Variants in PCDH15 observed in about 807,000 individuals in gnomAD.
The protein encoded by PCDH15 is protocadherin related 15.
In PCDH15, 129 loss-of-function variants were observed where a neutral mutation model predicts 178.5. The observed-to-expected ratio is 0.72, with a 90% CI of 0.63 to 0.84. The LOEUF (loss-of-function observed/expected upper bound fraction) is 0.84. PCDH15 is among the 40% of genes least tolerant of loss of function. PCDH15 has a pLI of 0.00. For synonymous variants in PCDH15, 800 were observed against 732.0 expected, an observed-to-expected ratio of 1.09 and a Z score of -1.50; for missense variants, 2,230 against 2,099.9, an observed-to-expected ratio of 1.06 and a Z score of -1.21.
chr10:55,083,277 T>C (rs374552907), intron 2 of PCDH15, among the ~76,000 whole-genome samples: 21 of 152,076 alleles, frequency 1.4e-4, no homozygotes, highest in Admixed American at 3.9e-4. Context: ...TGATACCTCA[T>C]ATCAACAGAA....
intron 20 of PCDH15, among the ~76,000 whole-genome samples, chr10:54,006,768 A>T (rs2092400013): frequency 2.6e-5 from 4 of 152,146 alleles, no homozygotes; most frequent in Admixed American, 2.0e-4. Context: ...GAAAGGTGGA[A>T]ATCTTAGCTT....
At chr10:55,268,856 T>C (rs1842367951) in intron 1 of PCDH15, among the ~76,000 whole-genome samples, 1 of 152,040 alleles carries the variant, frequency 6.6e-6, no homozygotes, top group South Asian at 2.1e-4. Context: ...TTTCTTACTA[T>C]TATGGAAAGA....
intron 8 of PCDH15, among the ~76,000 whole-genome samples, chr10:54,302,229 G>T (rs1347455594): frequency 6.6e-6 from 1 of 152,058 alleles, no homozygotes; most frequent in Non-Finnish European, 1.5e-5. Flanking sequence ...TGTGTTTTAG[G>T]TGATGTTATT....
chr10:54,422,822 C>T (rs1955717700), intron 3 of PCDH15, among the ~76,000 whole-genome samples: 2 of 152,128 alleles, frequency 1.3e-5, no homozygotes, highest in African/African-American at 4.8e-5. Context: ...CAGCAGAGAA[C>T]TCCAGTTCTG....
intron 11 of PCDH15, among the ~76,000 whole-genome samples, chr10:54,189,925 A>ATGTGTGTGTGTGTG (rs57024579): frequency 2.1e-5 from 3 of 141,482 alleles, no homozygotes; most frequent in Non-Finnish European, 3.1e-5. Context: ...ATGCATGTGT[A>ATGTGTGTGTGTGTG]TGTGTGTGTG....
At chr10:55,245,220 A>T (rs2132216930) in intron 1 of PCDH15, among the ~76,000 whole-genome samples, 1 of 152,268 alleles carries the variant, frequency 6.6e-6, no homozygotes, top group African/African-American at 2.4e-5. Flanking sequence ...GTTTAAAGAT[A>T]AATTCTCTTC....
At chr10:54,683,655 T>C (rs761536575) in intron 1 of PCDH15, among the ~76,000 whole-genome samples, 3 of 152,090 alleles carry the variant, frequency 2.0e-5, no homozygotes, top group Non-Finnish European at 4.4e-5. Flanking sequence ...AGAGGTTAGG[T>C]AGCCCTCTCA....
At position 54,374,021 on chromosome 10, in the gene PCDH15, T is replaced by C. The variant is rs549292639; in HGVS notation, c.319-4746A>G. On this transcript the variant is annotated intron_variant, in intron 4 of 37. Coordinates refer to ENST00000644397, the MANE Select transcript of PCDH15 (RefSeq NM_001384140.1). ...AAGAAAATTATATAGACAGGGTGCA[T>C]CTTGAATCTAGCAAAACTCAAGAGA... is the stretch of plus-strand genomic sequence containing the variant. 1.1e-3 allele frequency among the ~76,000 whole-genome samples: 162 copies of C among 152,180 alleles called. 1 individual carries two copies. Among genetic ancestry groups the C allele is most frequent in the Admixed American group, 9.9e-3 (151 of 15,260 alleles).
At chr10:54,214,521 G>A (rs2051791339) in intron 9 of PCDH15, among the ~76,000 whole-genome samples, 1 of 152,162 alleles carries the variant, frequency 6.6e-6, no homozygotes, top group Non-Finnish European at 1.5e-5. Context: ...TTAATATCAA[G>A]CTAATAATGT....
At chr10:54,142,039 T>G (rs987105955) in intron 14 of PCDH15, among the ~76,000 whole-genome samples, 1 of 152,170 alleles carries the variant, frequency 6.6e-6, no homozygotes, top group Admixed American at 6.5e-5. Context: ...CAACATTAGT[T>G]GTCTTGCTTT....
At chr10:53,823,649 G>C (rs780010229) in intron 32 of PCDH15, 2 of 494,322 alleles carry the variant, frequency 4.0e-6, no homozygotes, top group Non-Finnish European at 7.8e-6. Context: ...TTCAGCTAGT[G>C]TGATACAGCA....
intron 15 of PCDH15, among the ~76,000 whole-genome samples, chr10:54,121,855 A>G (rs1362576702): frequency 6.6e-6 from 1 of 152,140 alleles, no homozygotes; most frequent in Non-Finnish European, 1.5e-5. Flanking sequence ...CCCAGTCCAG[A>G]TAGATTAACA....
intron 25 of PCDH15, among the ~76,000 whole-genome samples, chr10:53,921,882 A>C (rs1049370165): frequency 3.3e-5 from 5 of 152,222 alleles, no homozygotes; most frequent in African/African-American, 1.2e-4. Context: ...CAGAGAATGG[A>C]CACCATACCT....
rs141620986 is a variant in PCDH15, at chr10:54,416,576, C to T, written c.158-37634G>A. On this transcript the variant is annotated intron_variant, in intron 3 of 37. Transcript: ENST00000644397. ...GACTTTGCTATTGTAAATAGTGCTGCAATAAACATACATGTGCATTTGTCT... is the reference window on the plus strand; with the variant it reads ...GACTTTGCTATTGTAAATAGTGCTGTAATAAACATACATGTGCATTTGTCT... Among the ~76,000 whole-genome samples the T allele has an allele frequency of 7.9e-3, 1,199 of 152,230 alleles. 12 individuals are homozygous for T. The highest frequency in any genetic ancestry group is 0.026 in the African/African-American group (1,087 of 41,530).
intron 2 of PCDH15, among the ~76,000 whole-genome samples, chr10:55,562,569 C>T (rs55841247): frequency 2.1e-3 from 320 of 152,020 alleles, no homozygotes; most frequent in African/African-American, 7.5e-3. Context: ...CTCCAGTGTC[C>T]ACGTGGCATA....
At chr10:54,445,476 G>A (rs1357500571) in intron 3 of PCDH15, among the ~76,000 whole-genome samples, 2 of 151,424 alleles carry the variant, frequency 1.3e-5, no homozygotes, top group Admixed American at 1.3e-4. Context: ...ACATGATAGT[G>A]GTTAAGAGCG....
In PCDH15 at chr10:54,189,504, AT is replaced by A. The variant is rs5785045; in HGVS notation, c.1306-4237del. 184,362 of 505,706 alleles carry A rather than the reference AT, an allele frequency of 0.36. 44,907 individuals carry two copies. Among genetic ancestry groups the A allele is most frequent in the East Asian group, 0.94 (27,883 of 29,776 alleles). 31.3% of individuals were successfully genotyped at this position (505,706 alleles called of 1,614,324 possible). A position where few individuals can be genotyped will look rare whatever the true frequency, so the allele number is the denominator to read the frequency against. On this transcript the variant is annotated intron_variant, in intron 11 of 37. Transcript: ENST00000644397. ...CTGACAATTTTTTTCAGAGTATACA[AT>A]TTTTTTATTAGCATTGTGACCCACA...
At chr10:54,731,165 G>A (rs541883565) in intron 1 of PCDH15, among the ~76,000 whole-genome samples, 1 of 151,272 alleles carries the variant, frequency 6.6e-6, no homozygotes, top group East Asian at 2.0e-4. Flanking sequence ...ATGAAAAATT[G>A]TTCAACATCA....
intron 10 of PCDH15, among the ~76,000 whole-genome samples, chr10:54,206,656 T>C (rs1175489395): frequency 6.6e-6 from 1 of 152,012 alleles, no homozygotes. Flanking sequence ...AAAAATTATA[T>C]CTAAATCGTT....
Sources: gnomAD v4.1 joint callset for allele counts (sites outside exome capture counted in the v4.1 genomes callset) on GRCh38, gnomAD v4.1.1 for gene constraint, MANE v1.5 for transcripts, NCBI Gene and HGNC (gene_info 2026-07-23, HGNC 2026-07-21) for gene names.